Variants in ST7 observed in about 807,000 individuals in gnomAD.
ST7 encodes suppressor of tumorigenicity 7 protein.
A neutral mutation model predicts 78.7 loss-of-function variants in ST7; 28 were observed. The observed-to-expected ratio is 0.36, with a 90% CI of 0.26 to 0.49. ST7 has a LOEUF of 0.49. Among genes scored for constraint, ST7 ranks in the 20% least tolerant of loss-of-function variants. The probability of loss-of-function intolerance (pLI) is 0.99; values close to 1 mark genes in which losing one functional copy is unlikely to be tolerated. For synonymous variants in ST7, 247 were observed against 249.6 expected (o/e 0.99, Z 0.10); for missense variants, 418 against 696.0 (o/e 0.60, Z 4.49).
intron 9 of ST7, among the ~76,000 whole-genome samples, chr7:117,140,441 T>G (rs893989900): frequency 4.6e-5 from 7 of 152,184 alleles, no homozygotes; most frequent in African/African-American, 7.2e-5. Context: ...GATAATTGAC[T>G]GGGAGAATTA....
intron 2 of ST7, among the ~76,000 whole-genome samples, chr7:117,105,851 A>G (rs1253898369): frequency 5.3e-5 from 8 of 152,374 alleles, no homozygotes; most frequent in African/African-American, 1.7e-4. Context: ...TTATGTATCA[A>G]TTTTAAAAAG....
At chr7:117,220,756 A>G (rs1432086028) in intron 14 of ST7, among the ~76,000 whole-genome samples, 2 of 152,232 alleles carry the variant, frequency 1.3e-5, no homozygotes, top group Non-Finnish European at 2.9e-5. Context: ...CATTAAAAGT[A>G]TAATTATAGC....
At chr7:117,185,631 A>G (rs575099278) in intron 10 of ST7, among the ~76,000 whole-genome samples, 8 of 152,350 alleles carry the variant, frequency 5.3e-5, no homozygotes, top group Admixed American at 6.5e-5. Context: ...TAATTTATAA[A>G]TTAGGCACAG....
At chr7:117,095,155 C>T (rs1563076680) in intron 1 of ST7, among the ~76,000 whole-genome samples, 1 of 152,156 alleles carries the variant, frequency 6.6e-6, no homozygotes, top group Admixed American at 6.5e-5. Context: ...CTCTGCTTTA[C>T]AGAGGCCTCT....
At chr7:117,014,618 T>C (rs1230960191) in intron 1 of ST7, among the ~76,000 whole-genome samples, 1 of 152,246 alleles carries the variant, frequency 6.6e-6, no homozygotes, top group Non-Finnish European at 1.5e-5. Flanking sequence ...GCTTCTTTCA[T>C]ATCATTGAGT....
chr7:117,164,876 A>G (rs10258677), intron 9 of ST7, among the ~76,000 whole-genome samples: 61,521 of 146,730 alleles, frequency 0.42, 13,249 homozygotes, highest in Middle Eastern at 0.49. Flanking sequence ...GAGGGAGCTC[A>G]TCTGTAAAGT....
chr7:117,045,166 T>C (rs890751976), intron 1 of ST7, among the ~76,000 whole-genome samples: 1 of 152,112 alleles, frequency 6.6e-6, no homozygotes, highest in African/African-American at 2.4e-5. Context: ...AGAGGTCTTA[T>C]TATTGGTGAC....
At chr7:117,166,299 GTGTAATATTGTA>G (rs1460523835) in intron 9 of ST7, among the ~76,000 whole-genome samples, 2 of 152,074 alleles carry the variant, frequency 1.3e-5, no homozygotes, top group Non-Finnish European at 2.9e-5. Flanking sequence ...GCTTTCTCTA[GTGTAATATTGTA>G]TGCCAGCATT....
In ST7 at chr7:117,117,702, G is replaced by C. The variant is rs112693813; in HGVS notation, c.235-1859G>C. 2.8e-3 allele frequency among the ~76,000 whole-genome samples: 421 copies of C among 152,254 alleles called. 1 individual carries two copies. The highest frequency in any genetic ancestry group is 9.3e-3 in the African/African-American group (388 of 41,546). On this transcript the variant is annotated intron_variant, in intron 2 of 15. Coordinates refer to ENST00000323984, the MANE Select transcript of ST7 (RefSeq NM_001369598.1). ...GGGGTGCCTCATGGCAGCATGTGAGGTGTGCTGCCCATGGGAGGGATGTGC... is the reference window on the plus strand; with the variant it reads ...GGGGTGCCTCATGGCAGCATGTGAGCTGTGCTGCCCATGGGAGGGATGTGC...
At chr7:117,039,195 G>C (rs991560729) in intron 1 of ST7, among the ~76,000 whole-genome samples, 4 of 152,068 alleles carry the variant, frequency 2.6e-5, no homozygotes, top group African/African-American at 9.7e-5. Context: ...CCTGGAACTA[G>C]AATTGGAGGC....
chr7:117,067,587 C>G (rs891561017), intron 1 of ST7, among the ~76,000 whole-genome samples: 1 of 151,928 alleles, frequency 6.6e-6, no homozygotes, highest in African/African-American at 2.4e-5. Context: ...TGAGCTGTCT[C>G]CTGGGGGATG....
chr7:117,034,769 C>T (rs1796791307), intron 1 of ST7, among the ~76,000 whole-genome samples: 1 of 152,008 alleles, frequency 6.6e-6, no homozygotes, highest in South Asian at 2.1e-4. Context: ...ATTATTTGAC[C>T]TCCATTTAGA....
intron 12 of ST7, among the ~76,000 whole-genome samples, chr7:117,208,994 C>T (rs953341916): frequency 2.0e-5 from 3 of 151,220 alleles, no homozygotes; most frequent in African/African-American, 7.3e-5. Context: ...GAAAGGTTAA[C>T]ATTTGCAATT....
intron 1 of ST7, among the ~76,000 whole-genome samples, chr7:116,984,694 T>A (rs1794116778): frequency 6.6e-6 from 1 of 152,162 alleles, no homozygotes; most frequent in South Asian, 2.1e-4. Flanking sequence ...CTGTGAGGGT[T>A]AAATGAGATA....
chr7:117,223,049 C>T (rs1346401281), intron 15 of ST7: 14 of 1,117,998 alleles, frequency 1.3e-5, no homozygotes, highest in African/African-American at 1.5e-5. Context: ...CCGCCATCCA[C>T]CCCGTTGCTC....
At chr7:117,124,158 A>T (rs1471122787) in intron 3 of ST7, among the ~76,000 whole-genome samples, 1 of 152,170 alleles carries the variant, frequency 6.6e-6, no homozygotes, top group East Asian at 1.9e-4. Context: ...GAGTAAAAAA[A>T]ATATATTCAA....
At chr7:117,170,764 C>A (rs190230458) in intron 9 of ST7, 98 bp from the exon 10 acceptor site, 33,302 of 405,638 alleles carry the variant, frequency 0.082, 3,105 homozygotes, top group African/African-American at 0.31. Context: ...TATATCCAAA[C>A]CGTGATATAT....
intron 3 of ST7, among the ~76,000 whole-genome samples, chr7:117,128,664 C>G (rs1230684272): frequency 1.3e-5 from 2 of 151,642 alleles, no homozygotes; most frequent in Non-Finnish European, 3.0e-5. Context: ...ACACATGTTC[C>G]CAGAGTGCTT....
chr7:117,126,812 T>C (rs1372056926), intron 3 of ST7, among the ~76,000 whole-genome samples: 1 of 151,892 alleles, frequency 6.6e-6, no homozygotes, highest in Non-Finnish European at 1.5e-5. Flanking sequence ...TCTTTGTCTC[T>C]CACAAAGAAG....
Sources: allele counts gnomAD v4.1 joint callset (sites outside exome capture counted in the v4.1 genomes callset), GRCh38; gene constraint gnomAD v4.1.1; transcripts MANE v1.5; gene names NCBI Gene and HGNC (gene_info 2026-07-23, HGNC 2026-07-21).